Variants in BAG1 observed in about 807,000 individuals in gnomAD.
The protein encoded by BAG1 is BAG cochaperone 1.
A neutral mutation model predicts 35.5 loss-of-function variants in BAG1; 35 were observed. The ratio of observed to expected loss-of-function variants is 0.99; its 90% CI spans 0.75 to 1.31. BAG1 has a LOEUF of 1.31. Among genes scored for constraint, BAG1 ranks in the 50% most tolerant of loss-of-function variants. The pLI is 0.00. For missense variants in BAG1, 464 were observed against 453.6 expected, an observed-to-expected ratio of 1.02 and a Z score of -0.21; for synonymous variants, 191 against 178.9, an observed-to-expected ratio of 1.07 and a Z score of -0.54.
In BAG1 at chr9:33,253,612, C is replaced by T. The variant is rs1015387586; in HGVS notation, c.*1607G>A. ...TCTACTACCTTGTCTGAGGTCTTAA[C>T]CTGCCCAGTCCTGAATTCCTGGGAC... On this transcript the variant is annotated 3_prime_UTR_variant, in exon 7 of 7. Transcript: ENST00000634734. 8 of 152,162 alleles carry T rather than the reference C, an allele frequency of 5.3e-5. No individual in the cohort carries two copies. Among genetic ancestry groups the T allele is most frequent in the African/African-American group, 1.4e-4 (6 of 41,440 alleles). The allele number at this position is 152,162 out of a possible 1,614,324, so 9.4% of individuals were successfully genotyped here. A position where few individuals can be genotyped will look rare whatever the true frequency, so the allele number is the denominator to read the frequency against.
At chr9:33,260,722 T>A (rs995546819) in intron 3 of BAG1, among the ~76,000 whole-genome samples, 3 of 152,212 alleles carry the variant, frequency 2.0e-5, no homozygotes, top group Non-Finnish European at 4.4e-5. Context: ...AACAGAGTGA[T>A]TATTCTTAAT....
chr9:33,256,698 G>T, intron 5 of BAG1, 103 bp downstream of exon 5: 1 of 924,516 alleles, frequency 1.1e-6, no homozygotes, highest in Non-Finnish European at 1.7e-6. Context: ...ATTCTCAAGT[G>T]ATGGGTTTGC....
rs948562072 is a variant in BAG1, at chr9:33,262,445, T to C, written c.580+257A>G. ...GCCGAGGCGGGTGGATCACCTGAGA[T>C]CAGGAGTTCGAGACCAGCCTGGCCA... On this transcript the variant is annotated intron_variant, in intron 2 of 6. Coordinates refer to ENST00000634734, the MANE Select transcript of BAG1 (RefSeq NM_004323.6). 2.6e-5 allele frequency among the ~76,000 whole-genome samples: 4 copies of C among 151,934 alleles called. No individual in the cohort carries two copies. The East Asian group carries it at 7.7e-4, about 29-fold the overall frequency.
In BAG1 at chr9:33,264,463, C is replaced by T; in HGVS notation, c.212G>A (p.Arg71Gln). 3 of 1,613,200 alleles carry T rather than the reference C, an allele frequency of 1.9e-6. No individual in the cohort carries two copies. The highest frequency in any genetic ancestry group is 2.5e-6 in the Non-Finnish European group (3 of 1,179,736). Residue 71 changes from arginine to glutamine, a missense_variant, in exon 1 of 7, where the codon CGG (arginine) becomes CAG (glutamine). Transcript: ENST00000634734. Reference sequence around the variant, plus strand: ...GCGGCGCCGGGTTTTCTTCTTCATCCGCGGCCTGCGAGCGCCGGCGGCGGC... The same window carrying T: ...GCGGCGCCGGGTTTTCTTCTTCATCTGCGGCCTGCGAGCGCCGGCGGCGGC...
chr9:33,264,399 C>G lies in BAG1; in HGVS notation c.276G>C (p.Leu92Phe), dbSNP rs767225121. 1 of 1,603,676 alleles carries G rather than the reference C, an allele frequency of 6.2e-7. No individual in the cohort carries two copies. Among genetic ancestry groups the G allele is most frequent in the South Asian group, 1.1e-5 (1 of 90,830 alleles). The change falls in exon 1 of 7, where the codon TTG becomes TTC. Residue 92 changes from leucine (L) to phenylalanine (F), a missense_variant. Transcript: ENST00000634734. ...TCCAGGTCGCTTCCTCACTCAGGGT[C>G]AACTCCTCGCTCCGGGTCAACTCCT...
In BAG1 at chr9:33,253,765, A is replaced by C. The variant is rs1388276563; in HGVS notation, c.*1454T>G. 3 of 150,672 alleles carry C rather than the reference A, an allele frequency of 2.0e-5. No homozygotes were observed. Among genetic ancestry groups the C allele is most frequent in the African/African-American group, 7.3e-5 (3 of 41,192 alleles). 9.3% of individuals were successfully genotyped at this position (150,672 alleles called of 1,614,324 possible). A position where few individuals can be genotyped will look rare whatever the true frequency, so the allele number is the denominator to read the frequency against. On this transcript the variant is annotated 3_prime_UTR_variant, in exon 7 of 7. Transcript: ENST00000634734. ...CAGAATGATTTCCTCATTAATCCAA[A>C]AAAAAAAAAAAAAGCAAACCACTCT...
rs1457534138 is a variant in BAG1, at chr9:33,252,744, G to C, written c.*2475C>G. ...ATGCTGTGAAAGAAATGTATGGGAA[G>C]TCGAGAGAGGATCCCACCTGGGGGC... On this transcript the variant is annotated 3_prime_UTR_variant, in exon 7 of 7. Coordinates refer to ENST00000634734, the MANE Select transcript of BAG1 (RefSeq NM_004323.6). 1 of 152,170 alleles carries C rather than the reference G, an allele frequency of 6.6e-6. No individual in the cohort carries two copies. Among genetic ancestry groups the C allele is most frequent in the African/African-American group, 2.4e-5 (1 of 41,432 alleles). The allele number at this position is 152,170 out of a possible 1,614,324, so 9.4% of individuals were successfully genotyped here.
intron 6 of BAG1, among the ~76,000 whole-genome samples, 161 bp downstream of exon 6, chr9:33,255,704 A>C (rs938631018): frequency 3.3e-5 from 5 of 152,254 alleles, no homozygotes; most frequent in Non-Finnish European, 7.3e-5. Context: ...ACAGGGACAC[A>C]GGTGGCTCTT....
Position 33,264,293 on chromosome 9 carries a change from ACTCCTCGTCCCGGGTCAC to A in BAG1, c.364_381del (p.Val122_Glu127del), listed in dbSNP as rs1194407293. 6.2e-7 allele frequency: 1 copy of A among 1,610,780 alleles called. No individual in the cohort carries two copies. ...CTGGTCACCTCCTCGCTCCGGGTCG[ACTCCTCGTCCCGGGTCAC>A]CTCCTGGCTCCGATTCATCTCTTCG... On this transcript the variant is annotated inframe_deletion, in exon 1 of 7. Coordinates refer to ENST00000634734, the MANE Select transcript of BAG1 (RefSeq NM_004323.6).
At chr9:33,259,073 A>G (rs1488639061) in intron 3 of BAG1, 40 bp from the exon 4 acceptor site, 1 of 1,562,790 alleles carries the variant, frequency 6.4e-7, no homozygotes, top group Non-Finnish European at 8.8e-7. Context: ...ATAGTCAAAA[A>G]GAACAGGCTG....
At chr9:33,263,875 C>T (rs1820637134) in intron 1 of BAG1, among the ~76,000 whole-genome samples, 1 of 152,082 alleles carries the variant, frequency 6.6e-6, no homozygotes, top group Non-Finnish European at 1.5e-5. Context: ...TCTGACTTAT[C>T]ACACACGGAG....
At chr9:33,257,083 T>C in intron 4 of BAG1, 175 bp from the exon 5 acceptor site, 1 of 575,086 alleles carries the variant, frequency 1.7e-6, no homozygotes, top group Non-Finnish European at 3.1e-6. Context: ...CGTGGGCCAG[T>C]CCAAGAATTC....
rs1178286610 is a variant in BAG1 at position 33,255,077 on chromosome 9, G to A, written c.*142C>T. The A allele has an allele frequency of 3.2e-6, 5 of 1,585,014 alleles. No individual in the cohort carries two copies. The South Asian group carries it at 3.4e-5, about 11-fold the overall frequency. ...AATCACAAAGACACTATTTTTCATT[G>A]AGAACCAGTGTGAGAGTAGGAAAAT... On this transcript the variant is annotated 3_prime_UTR_variant, in exon 7 of 7. Transcript: ENST00000634734.
In BAG1 at chr9:33,253,049, A is replaced by C. The variant is rs2117904845; in HGVS notation, c.*2170T>G. 6.6e-6 allele frequency: 1 copy of C among 152,284 alleles called. No homozygotes were observed. Among genetic ancestry groups the C allele is most frequent in the Non-Finnish European group, 1.5e-5 (1 of 68,022 alleles). 9.4% of individuals were successfully genotyped at this position (152,284 alleles called of 1,614,324 possible). On this transcript the variant is annotated 3_prime_UTR_variant, in exon 7 of 7. Transcript: ENST00000634734. The stretch of plus-strand genomic sequence containing the variant: ...GGCATGGGGTAAAGACTTTTGCCTA[A>C]AGAGAAAGTGAGCCATTGGAGGGTT...
chr9:33,258,298 C>CAAAAAA (rs10591225), intron 4 of BAG1, among the ~76,000 whole-genome samples: 150 of 63,240 alleles, frequency 2.4e-3, no homozygotes, highest in African/African-American at 4.8e-3. Context: ...GACTCCATAT[C>CAAAAAA]AAAAAAAAAA....
intron 2 of BAG1, chr9:33,261,827 C>T (rs1482097337): frequency 1.0e-5 from 10 of 953,408 alleles, no homozygotes; most frequent in African/African-American, 1.8e-5. Context: ...AGGGCAGGGG[C>T]CAGGAGGGTG....
rs1333017024 is a variant in BAG1 at position 33,253,666 on chromosome 9, GT to G, written c.*1552del. 1 of 150,600 alleles carries G rather than the reference GT, an allele frequency of 6.6e-6. No individual in the cohort carries two copies. Among genetic ancestry groups the G allele is most frequent in the Non-Finnish European group, 1.5e-5 (1 of 67,860 alleles). 9.3% of individuals were successfully genotyped at this position (150,600 alleles called of 1,614,324 possible). A position where few individuals can be genotyped will look rare whatever the true frequency, so the allele number is the denominator to read the frequency against. The stretch of plus-strand genomic sequence containing the variant: ...AACGACTCTCTCTCTGCCAAATGAT[GT>G]GAGTCTTTAGGTAGAGTTATAGCGC... On this transcript the variant is annotated 3_prime_UTR_variant, in exon 7 of 7. Coordinates refer to ENST00000634734, the MANE Select transcript of BAG1 (RefSeq NM_004323.6).
chr9:33,264,519 A>G lies in BAG1; in HGVS notation c.156T>C (p.Thr52=), dbSNP rs1437588970. ...TGGTGGGTCGGTCATGCCCGCTGGCAGTACTCCGGGCAGGTGGACGCCCAG... is the reference window on the plus strand; with the variant it reads ...TGGTGGGTCGGTCATGCCCGCTGGCGGTACTCCGGGCAGGTGGACGCCCAG... Residue 52 remains threonine, a synonymous_variant, in exon 1 of 7, where the codon ACT becomes ACC. Transcript: ENST00000634734. 3 of 1,594,476 alleles carry G rather than the reference A, an allele frequency of 1.9e-6. No homozygotes were observed. Among genetic ancestry groups the G allele is most frequent in the African/African-American group, 1.3e-5 (1 of 74,386 alleles).
At chr9:33,255,477 G>A (rs1411727264) in intron 6 of BAG1, among the ~76,000 whole-genome samples, 169 bp from the exon 7 acceptor site, 1 of 152,208 alleles carries the variant, frequency 6.6e-6, no homozygotes, top group African/African-American at 2.4e-5. Flanking sequence ...GGGGAGGGAG[G>A]GAGCATAGGA....
Sources: gnomAD v4.1 joint callset for allele counts (sites outside exome capture counted in the v4.1 genomes callset) on GRCh38, gnomAD v4.1.1 for gene constraint, MANE v1.5 for transcripts, NCBI Gene and HGNC (gene_info 2026-07-23, HGNC 2026-07-21) for gene names.